PCDHGB5: variants seen among roughly 807,000 people sequenced by gnomAD.
The protein encoded by PCDHGB5 is protocadherin gamma-B5.
A neutral mutation model predicts 62.9 loss-of-function variants in PCDHGB5; 48 were observed. That is an observed-to-expected ratio of 0.76 (90% CI 0.61 to 0.97). The LOEUF is 0.97. PCDHGB5 is among the 50% of genes least tolerant of loss of function. The probability of loss-of-function intolerance (pLI) is 0.00; values close to 1 mark genes in which losing one functional copy is unlikely to be tolerated. For synonymous variants in PCDHGB5, 474 were observed against 511.2 expected (o/e 0.93, Z 0.98); for missense variants, 1,118 against 1,198.6 (o/e 0.93, Z 0.99).
chr5:141,509,051 A>G (rs1051961974), intron 3 of PCDHGB5, among the ~76,000 whole-genome samples: 1 of 152,166 alleles, frequency 6.6e-6, no homozygotes, highest in Admixed American at 6.5e-5. Context: ...CCCCGCCCCC[A>G]GAAAGCTCTC....
chr5:141,486,012 A>C lies in PCDHGB5; in HGVS notation c.2398-8795A>C. The C allele has an allele frequency of 1.9e-6, 3 of 1,614,064 alleles. No homozygotes were observed. The highest frequency in any genetic ancestry group is 2.5e-6 in the Non-Finnish European group (3 of 1,179,984). On this transcript the variant is annotated intron_variant, in intron 1 of 3. Coordinates refer to ENST00000617380, the MANE Select transcript of PCDHGB5 (RefSeq NM_018925.3). The surrounding 1 kb of genome is among the most constrained non-coding windows in gnomAD (Gnocchi z 5.0). ...GGTCCCAGTGGTAACGTCACCTTTT[A>C]TTTCAGTGGTCATACCCCTGATCGT...
intron 1 of PCDHGB5, chr5:141,414,081 T>G: frequency 6.2e-7 from 1 of 1,601,774 alleles, no homozygotes; most frequent in Non-Finnish European, 8.5e-7. Context: ...ACAAATATAC[T>G]GGAGAAATAA....
At chr5:141,473,102 C>T (rs1465515592) in intron 1 of PCDHGB5, among the ~76,000 whole-genome samples, 1 of 152,054 alleles carries the variant, frequency 6.6e-6, no homozygotes, top group Non-Finnish European at 1.5e-5. Flanking sequence ...AGTTGTATTA[C>T]CACACTTTAC....
At chr5:141,474,361 T>C (rs2099347915) in intron 1 of PCDHGB5, among the ~76,000 whole-genome samples, 2 of 152,210 alleles carry the variant, frequency 1.3e-5, no homozygotes, top group South Asian at 2.1e-4. Context: ...CATGTCTCAG[T>C]AGGTCTAGAG....
At position 141,490,027 on chromosome 5, in the gene PCDHGB5, C is replaced by T. The variant is rs767829552; in HGVS notation, c.2398-4780C>T. Reference sequence around the variant, plus strand: ...TGCACCCATTGGTACTCTGCTGCTCCGCCTCAATGCCACTGATCCAGACGA... The same window carrying T: ...TGCACCCATTGGTACTCTGCTGCTCTGCCTCAATGCCACTGATCCAGACGA... On this transcript the variant is annotated intron_variant, in intron 1 of 3. Coordinates refer to ENST00000617380, the MANE Select transcript of PCDHGB5 (RefSeq NM_018925.3). This position sits in a 1 kb window ranked among gnomAD's most constrained non-coding sequence, Gnocchi z 5.4. The T allele has an allele frequency of 2.4e-5, 39 of 1,614,096 alleles. No homozygotes were observed. The highest frequency in any genetic ancestry group is 4.0e-5 in the African/African-American group (3 of 74,942).
At chr5:141,469,548 C>A (rs2099204726) in intron 1 of PCDHGB5, among the ~76,000 whole-genome samples, 1 of 152,212 alleles carries the variant, frequency 6.6e-6, no homozygotes, top group East Asian at 1.9e-4. Context: ...GCACTCCAGC[C>A]TGGCGACAGA....
At chr5:141,464,418 T>C (rs1244881278) in intron 1 of PCDHGB5, among the ~76,000 whole-genome samples, 2 of 151,652 alleles carry the variant, frequency 1.3e-5, no homozygotes, top group Non-Finnish European at 2.9e-5. Flanking sequence ...TATATATCTA[T>C]ATATATAGAT....
chr5:141,414,124 G>C, intron 1 of PCDHGB5: 1 of 1,592,872 alleles, frequency 6.3e-7, no homozygotes, highest in Non-Finnish European at 8.6e-7. Context: ...TGAAGAAACC[G>C]GTTTCTATGA....
At chr5:141,505,015 A>G (rs965107997) in intron 2 of PCDHGB5, among the ~76,000 whole-genome samples, 1 of 152,160 alleles carries the variant, frequency 6.6e-6, no homozygotes, top group Admixed American at 6.5e-5. Flanking sequence ...TACAAAAATT[A>G]GCCTGGCACA....
chr5:141,491,508 G>T lies in PCDHGB5; in HGVS notation c.2398-3299G>T. 1 of 1,614,030 alleles carries T rather than the reference G, an allele frequency of 6.2e-7. No homozygotes were observed. Among genetic ancestry groups the T allele is most frequent in the Non-Finnish European group, 8.5e-7 (1 of 1,180,014 alleles). ...ACCTGCAGGTGAGCTCGGACGGCACGCTCAAGTACATGGAGGTGACGCTGC... is the reference window on the plus strand; with the variant it reads ...ACCTGCAGGTGAGCTCGGACGGCACTCTCAAGTACATGGAGGTGACGCTGC... On this transcript the variant is annotated intron_variant, in intron 1 of 3. Transcript: ENST00000617380. The surrounding 1 kb of genome is among the most constrained non-coding windows in gnomAD (Gnocchi z 6.9).
At chr5:141,509,887 T>C (rs138950510) in intron 3 of PCDHGB5, among the ~76,000 whole-genome samples, 1 of 152,314 alleles carries the variant, frequency 6.6e-6, no homozygotes, top group East Asian at 1.9e-4. Flanking sequence ...TGATGGTGAC[T>C]GACTGTCCCT....
chr5:141,446,130 CTT>C (rs1191897284), intron 1 of PCDHGB5, among the ~76,000 whole-genome samples: 2 of 152,076 alleles, frequency 1.3e-5, no homozygotes, highest in African/African-American at 4.8e-5. Context: ...TTCAATAAGA[CTT>C]AATAATGGAA....
chr5:141,504,963 AC>A (rs1409940135), intron 2 of PCDHGB5, among the ~76,000 whole-genome samples: 1 of 152,038 alleles, frequency 6.6e-6, no homozygotes, highest in Non-Finnish European at 1.5e-5. Context: ...AATGCATTGG[AC>A]CAGCCTGGCC....
In PCDHGB5 at chr5:141,417,713, C is replaced by T. The variant is rs905298887; in HGVS notation, c.2397+17189C>T. 1.3e-4 allele frequency: 160 copies of T among 1,271,624 alleles called. No homozygotes were observed. In the Admixed American group the frequency reaches 4.6e-3, roughly 37 times the overall value. The allele number at this position is 1,271,624 out of a possible 1,614,324, so 78.8% of individuals were successfully genotyped here. On this transcript the variant is annotated intron_variant, in intron 1 of 3. Transcript: ENST00000617380. ...AAACCAGCTCCCACACAGAGGCTCC[C>T]GGCTGCGCAGACCTTGCCCAGCACA... is the stretch of plus-strand genomic sequence containing the variant.
rs1457243337 is a variant in PCDHGB5 at position 141,493,567 on chromosome 5, C to T, written c.2398-1240C>T. Reference sequence around the variant, plus strand: ...TTTGGAGATTGAGTTCCCCCAGCTCCGTTTCCTCCTATCACAATCACTGCA... The same window carrying T: ...TTTGGAGATTGAGTTCCCCCAGCTCTGTTTCCTCCTATCACAATCACTGCA... On this transcript the variant is annotated intron_variant, in intron 1 of 3. Transcript: ENST00000617380. This position sits in a 1 kb window ranked among gnomAD's most constrained non-coding sequence, Gnocchi z 4.3. Among the ~76,000 whole-genome samples, 3 of 152,266 alleles carry T rather than the reference C, an allele frequency of 2.0e-5. No individual in the cohort carries two copies. The highest frequency in any genetic ancestry group is 4.4e-5 in the Non-Finnish European group (3 of 68,018).
At chr5:141,409,464 C>T in intron 1 of PCDHGB5, 1 of 1,613,940 alleles carries the variant, frequency 6.2e-7, no homozygotes, top group East Asian at 2.2e-5. Context: ...TACAATGTCA[C>T]CATCGTAGCC....
Position 141,477,100 on chromosome 5 carries a change from C to T in PCDHGB5, c.2398-17707C>T, listed in dbSNP as rs970613825. Reference sequence around the variant, plus strand: ...TTTACATCCAGGCCAAAGACAAGGGCGCCAATCCCGAAGGAGCACATTGCA... The same window carrying T: ...TTTACATCCAGGCCAAAGACAAGGGTGCCAATCCCGAAGGAGCACATTGCA... On this transcript the variant is annotated intron_variant, in intron 1 of 3. Transcript: ENST00000617380. The surrounding 1 kb of genome is among the most constrained non-coding windows in gnomAD (Gnocchi z 4.9). 1 of 1,614,098 alleles carries T rather than the reference C, an allele frequency of 6.2e-7. No homozygotes were observed. Among genetic ancestry groups the T allele is most frequent in the African/African-American group, 1.3e-5 (1 of 74,932 alleles).
chr5:141,494,927 G>A, intron 2 of PCDHGB5, 62 bp downstream of exon 2: 1 of 1,613,516 alleles, frequency 6.2e-7, no homozygotes, highest in Non-Finnish European at 8.5e-7. Flanking sequence ...GATGACGTGG[G>A]AGGAGATGGG....
chr5:141,403,952 C>T, intron 1 of PCDHGB5: 1 of 1,613,684 alleles, frequency 6.2e-7, no homozygotes, highest in Non-Finnish European at 8.5e-7. Flanking sequence ...GACAAAAGTG[C>T]TCATTTCGGT....
Sources: gnomAD v4.1 joint callset for allele counts (sites outside exome capture counted in the v4.1 genomes callset) on GRCh38, gnomAD v4.1.1 for gene constraint, Gnocchi (gnomAD v3.1) non-coding constraint, MANE v1.5 for transcripts, NCBI Gene and HGNC (gene_info 2026-07-23, HGNC 2026-07-21) for gene names.